ABI3BP: variants seen among roughly 807,000 people sequenced by gnomAD.
ABI3BP encodes target of Nesh-SH3.
Under a neutral mutation model 268.6 loss-of-function variants are expected in ABI3BP, and 216 were observed. That is an observed-to-expected ratio of 0.80 (90% CI 0.72 to 0.90). The LOEUF is 0.90. Among genes scored for constraint, ABI3BP ranks in the 40% least tolerant of loss-of-function variants. The probability of loss-of-function intolerance (pLI) is 0.00; values close to 1 mark genes in which losing one functional copy is unlikely to be tolerated. For synonymous variants in ABI3BP, 730 were observed against 730.0 expected, an observed-to-expected ratio of 1.00 and a Z score of 0.00; for missense variants, 2,090 against 2,182.4, an observed-to-expected ratio of 0.96 and a Z score of 0.84.
rs1302842084 is a variant in ABI3BP, at chr3:100,838,234, G to C, written c.2059C>G (p.Pro687Ala). 1.3e-6 allele frequency: 2 copies of C among 1,536,488 alleles called. No individual in the cohort carries two copies. Among genetic ancestry groups the C allele is most frequent in the Admixed American group, 3.9e-5 (2 of 50,990 alleles). Residue 687 changes from proline (P) to alanine (A), a missense_variant, in exon 26 of 68, where the codon CCA (proline) becomes GCA (alanine). Pro to Ala is a conservative substitution (Grantham distance 27, BLOSUM62 -1). Transcript: ENST00000471714. ...CCGGATTTAGTTGGTGGCATGTCTGGTTCTGCTGTGGTTTGGGGTTTAGGA... is the reference window on the plus strand; with the variant it reads ...CCGGATTTAGTTGGTGGCATGTCTGCTTCTGCTGTGGTTTGGGGTTTAGGA... Reference protein sequence around the residue: ...LLPKPQTTAEPDMPPTKSVSE... With the variant: ...LLPKPQTTAEADMPPTKSVSE...
intron 9 of ABI3BP, among the ~76,000 whole-genome samples, chr3:100,873,123 T>C (rs1011597402): frequency 6.6e-6 from 1 of 152,178 alleles, no homozygotes; most frequent in Non-Finnish European, 1.5e-5. Flanking sequence ...CCTTTTAAAA[T>C]TCTTATAACT....
intron 66 of ABI3BP, among the ~76,000 whole-genome samples, chr3:100,752,057 T>C (rs2095362366): frequency 1.3e-5 from 2 of 152,234 alleles, no homozygotes; most frequent in African/African-American, 4.8e-5. Flanking sequence ...TTTGACCTTC[T>C]CTTTCCTCTA....
chr3:100,929,283 A>T (rs2062869241), intron 1 of ABI3BP, among the ~76,000 whole-genome samples: 1 of 152,120 alleles, frequency 6.6e-6, no homozygotes, highest in Non-Finnish European at 1.5e-5. Context: ...CCCATGGGAA[A>T]GTGGAAAAGA....
At chr3:100,804,995 G>A (rs1054169551) in intron 50 of ABI3BP, 129 bp from the exon 51 acceptor site, 61 of 724,024 alleles carry the variant, frequency 8.4e-5, no homozygotes, top group Non-Finnish European at 1.3e-4. Context: ...GACAGAAGAA[G>A]GAGTTAGAAA....
intron 2 of ABI3BP, among the ~76,000 whole-genome samples, chr3:100,920,013 C>A (rs1299670271): frequency 6.6e-6 from 1 of 152,224 alleles, no homozygotes; most frequent in African/African-American, 2.4e-5. Flanking sequence ...AGCTACTGTG[C>A]CATCATCTTA....
chr3:100,917,507 T>C (rs1014369120), intron 2 of ABI3BP, among the ~76,000 whole-genome samples: 2 of 152,200 alleles, frequency 1.3e-5, no homozygotes, highest in Non-Finnish European at 2.9e-5. Context: ...AACCCTTTAA[T>C]ATCCTTTTAC....
intron 1 of ABI3BP, among the ~76,000 whole-genome samples, chr3:100,936,029 G>C (rs12330416): frequency 1.3e-5 from 2 of 152,026 alleles, no homozygotes; most frequent in South Asian, 4.1e-4. Flanking sequence ...ATAGGAGTGG[G>C]AGAGAGGGCA....
chr3:100,784,460 A>C, intron 57 of ABI3BP, among the ~76,000 whole-genome samples: 1 of 152,190 alleles, frequency 6.6e-6, no homozygotes, highest in Non-Finnish European at 1.5e-5. Context: ...CTCTACAGAA[A>C]AGAGTTTGGA....
At position 100,816,689 on chromosome 3, in the gene ABI3BP, C is replaced by T. The variant is rs990619616; in HGVS notation, c.3228G>A (p.Ser1076=). 28 of 1,535,504 alleles carry T rather than the reference C, an allele frequency of 1.8e-5. 2 individuals are homozygous for T. Among genetic ancestry groups the T allele is most frequent in the Admixed American group, 1.8e-4 (9 of 50,988 alleles). The change falls in exon 43 of 68, where the codon TCG becomes TCA. Residue 1076 remains serine, a splice_region_variant and synonymous_variant. Transcript: ENST00000471714. ...TAAGCCAAGGATTCATACATTTACC[C>T]GATTTGTTCTGAGGTACTTCAGGAC... ...TSSPEVPQNK[S]VSVTGFEPVV...
chr3:100,916,558 G>A lies in ABI3BP; in HGVS notation c.259+9744C>T, dbSNP rs568659850. On this transcript the variant is annotated intron_variant, in intron 2 of 67. Transcript: ENST00000471714. Reference sequence around the variant, plus strand: ...CTGTCTTCAGTGGGGCAAAGAGAATGCTAATAGTACCTGCTTCATGGGGTT... The same window carrying A: ...CTGTCTTCAGTGGGGCAAAGAGAATACTAATAGTACCTGCTTCATGGGGTT... 5.2e-4 allele frequency among the ~76,000 whole-genome samples: 79 copies of A among 152,324 alleles called. No individual in the cohort carries two copies. The Middle Eastern group carries it at 0.01, about 20-fold the overall frequency.
chr3:100,934,415 C>A (rs2065085418), intron 1 of ABI3BP, among the ~76,000 whole-genome samples: 1 of 152,004 alleles, frequency 6.6e-6, no homozygotes, highest in African/African-American at 2.4e-5. Flanking sequence ...CAAGTCTTTG[C>A]TATTGTGAAC....
In ABI3BP at chr3:100,830,110, C is replaced by CATATATAT. The variant is rs559297681; in HGVS notation, c.2459-454_2459-447dup. Reference sequence around the variant, plus strand: ...ATACATATACATACATACATACATACATATATATATATATATATATATATA... The same window carrying CATATATAT: ...ATACATATACATACATACATACATACATATATATATATATATATATATATATATATATA... On this transcript the variant is annotated intron_variant, in intron 32 of 67. Coordinates refer to ENST00000471714, the MANE Select transcript of ABI3BP (RefSeq NM_001375547.2). 2.2e-3 allele frequency among the ~76,000 whole-genome samples: 97 copies of CATATATAT among 44,620 alleles called. 2 individuals are homozygous for CATATATAT. Among genetic ancestry groups the CATATATAT allele is most frequent in the Non-Finnish European group, 2.9e-3 (67 of 23,176 alleles). 29.3% of individuals were successfully genotyped at this position (44,620 alleles called of 152,430 possible).
chr3:100,932,394 G>A lies in ABI3BP; in HGVS notation c.80-5913C>T, dbSNP rs577009534. On this transcript the variant is annotated intron_variant, in intron 1 of 67. Coordinates refer to ENST00000471714, the MANE Select transcript of ABI3BP (RefSeq NM_001375547.2). ...TGCACAGCAAACAAAACTATCAACAGAGCAAACAGACAGCCTATAGAAAGG... is the reference window on the plus strand; with the variant it reads ...TGCACAGCAAACAAAACTATCAACAAAGCAAACAGACAGCCTATAGAAAGG... Among the ~76,000 whole-genome samples the A allele has an allele frequency of 1.1e-3, 169 of 152,150 alleles. 2 individuals carry two copies. Among genetic ancestry groups the A allele is most frequent in the African/African-American group, 4.0e-3 (164 of 41,516 alleles).
chr3:100,779,241 C>T (rs1284489405), intron 58 of ABI3BP, among the ~76,000 whole-genome samples: 2 of 152,180 alleles, frequency 1.3e-5, no homozygotes, highest in Admixed American at 6.5e-5. Context: ...TCACTGTGAA[C>T]AGTTGTGGTA....
At chr3:100,943,292 C>T (rs902892289) in intron 1 of ABI3BP, among the ~76,000 whole-genome samples, 1 of 152,044 alleles carries the variant, frequency 6.6e-6, no homozygotes, top group Non-Finnish European at 1.5e-5. Context: ...ATCATTCATT[C>T]CATCTTAATT....
At chr3:100,909,005 C>G (rs145753991) in intron 2 of ABI3BP, among the ~76,000 whole-genome samples, 259 of 152,286 alleles carry the variant, frequency 1.7e-3, no homozygotes, top group African/African-American at 5.9e-3. Flanking sequence ...TGACTTCAAA[C>G]TATACCACAA....
At chr3:100,765,527 C>T (rs1292284612) in intron 63 of ABI3BP, among the ~76,000 whole-genome samples, 1 of 152,206 alleles carries the variant, frequency 6.6e-6, no homozygotes, top group Non-Finnish European at 1.5e-5. Context: ...ACATTATGCA[C>T]AGTCCAGTTG....
chr3:100,990,059 A>T (rs1180064737), intron 1 of ABI3BP, among the ~76,000 whole-genome samples: 1 of 152,230 alleles, frequency 6.6e-6, no homozygotes, highest in East Asian at 1.9e-4. Context: ...GACAATGGTC[A>T]GGCTAGAATG....
intron 20 of ABI3BP, among the ~76,000 whole-genome samples, chr3:100,843,136 T>G (rs1483667939): frequency 6.6e-6 from 1 of 152,158 alleles, no homozygotes; most frequent in African/African-American, 2.4e-5. Flanking sequence ...GGTACAGAAT[T>G]TTTATTTCTT....
Sources: gnomAD v4.1 joint callset for allele counts (sites outside exome capture counted in the v4.1 genomes callset) on GRCh38, gnomAD v4.1.1 for gene constraint, MANE v1.5 for transcripts, NCBI Gene and HGNC (gene_info 2026-07-23, HGNC 2026-07-21) for gene names.